The following PROM2 variants were observed in gnomAD, a reference collection of about 807,000 sequenced individuals.
PROM2 encodes the protein prominin 2.
PROM2 carries 90 observed loss-of-function variants against 110.2 expected under a neutral mutation model. That is an observed-to-expected ratio of 0.82 (90% CI 0.69 to 0.97). PROM2 has a LOEUF of 0.97. Ranked by LOEUF, PROM2 falls within the 50% of genes least tolerant of loss-of-function variation. PROM2 has a pLI of 0.00. For synonymous variants in PROM2, 470 were observed against 467.8 expected, an observed-to-expected ratio of 1.00 and a Z score of -0.06; for missense variants, 1,009 against 1,074.8, an observed-to-expected ratio of 0.94 and a Z score of 0.86.
chr2:95,289,024 CG>C lies in PROM2; in HGVS notation c.*10+19del. On this transcript the variant is annotated intron_variant, in intron 23 of 23. Transcript: ENST00000317620. Reference sequence around the variant, plus strand: ...CCTTGTGGGTGAGTTTTCCCCAACTCGCTTAATTGCTCCCTGCCAGGGATTA... The same window carrying C: ...CCTTGTGGGTGAGTTTTCCCCAACTCCTTAATTGCTCCCTGCCAGGGATTA... 1 of 1,575,714 alleles carries C rather than the reference CG, an allele frequency of 6.3e-7. No individual in the cohort carries two copies. Among genetic ancestry groups the C allele is most frequent in the African/African-American group, 1.3e-5 (1 of 74,110 alleles).
chr2:95,276,226 G>A lies in PROM2; in HGVS notation c.498-1G>A. The A allele has an allele frequency of 6.2e-7, 1 of 1,613,966 alleles. No individual in the cohort carries two copies. The highest frequency in any genetic ancestry group is 8.5e-7 in the Non-Finnish European group (1 of 1,180,030). On this transcript the variant is annotated splice_acceptor_variant, in intron 3 of 23. Transcript: ENST00000317620. LOFTEE classifies it high-confidence loss of function. The surrounding 1 kb of genome is among the most constrained non-coding windows in gnomAD (Gnocchi z 4.6). ...CCTTCCTCCTCCCTCCATTCCCACA[G>A]GATTGGTGTGGTCTGTGCCTTTGTC...
rs113477824 is a variant in PROM2 at position 95,274,880 on chromosome 2, G to A, written c.244+51G>A. ...GCCTCAGCATTTGGGTCCCCAGCCC[G>A]GCTTCCTCTGTCCCACTCTACCATG... On this transcript the variant is annotated intron_variant, in intron 1 of 23. Transcript: ENST00000317620. The A allele has an allele frequency of 4.9e-5, 73 of 1,492,454 alleles. No homozygotes were observed. In the African/African-American group the frequency reaches 9.3e-4, roughly 19 times the overall value. 92.5% of individuals were successfully genotyped at this position (1,492,454 alleles called of 1,614,324 possible). A position where few individuals can be genotyped will look rare whatever the true frequency, so the allele number is the denominator to read the frequency against.
At chr2:95,283,473 G>A (rs1677163869) in intron 14 of PROM2, among the ~76,000 whole-genome samples, 1 of 152,238 alleles carries the variant, frequency 6.6e-6, no homozygotes, top group Non-Finnish European at 1.5e-5. Context: ...CACGGGGAGG[G>A]CACCAGCCAC....
intron 17 of PROM2, 73 bp from the exon 18 acceptor site, chr2:95,286,731 C>G: frequency 2.7e-6 from 3 of 1,115,046 alleles, no homozygotes; most frequent in Non-Finnish European, 4.0e-6. Context: ...CTCCACTCCC[C>G]TCCACTTTCC....
intron 23 of PROM2, 28 bp downstream of exon 23, chr2:95,289,034 C>T: frequency 6.4e-7 from 1 of 1,563,060 alleles, no homozygotes; most frequent in Non-Finnish European, 8.8e-7. Flanking sequence ...CGCTTAATTG[C>T]TCCCTGCCAG....
chr2:95,284,824 C>A, intron 14 of PROM2, 145 bp from the exon 15 acceptor site: 1 of 957,560 alleles, frequency 1.0e-6, no homozygotes. Flanking sequence ...TCACCCCCAA[C>A]ACCGGGGATC....
intron 14 of PROM2, among the ~76,000 whole-genome samples, chr2:95,283,255 C>T (rs1255554657): frequency 2.0e-5 from 3 of 152,194 alleles, no homozygotes; most frequent in Non-Finnish European, 4.4e-5. Context: ...CCATGGCTCT[C>T]GAGGGGAGGA....
Position 95,277,013 on chromosome 2 carries a change from A to C in PROM2, c.724A>C (p.Arg242=). 2 of 1,553,306 alleles carry C rather than the reference A, an allele frequency of 1.3e-6. No individual in the cohort carries two copies. Among genetic ancestry groups the C allele is most frequent in the Admixed American group, 2.0e-5 (1 of 51,160 alleles). ...SIGSAIHTQL[R]SSVYPLLAAV... Reference sequence around the variant, plus strand: ...TGGGAGCGCGATCCACACTCAGCTCAGGAGCTCCGTGTACCCCTTGCTGGC... The same window carrying C: ...TGGGAGCGCGATCCACACTCAGCTCCGGAGCTCCGTGTACCCCTTGCTGGC... The change falls in exon 6 of 24, where the codon AGG becomes CGG. Residue 242 remains arginine (R), a synonymous_variant. Coordinates refer to ENST00000317620, the MANE Select transcript of PROM2 (RefSeq NM_001165978.3).
In PROM2 at chr2:95,282,025, A is replaced by G. The variant is rs2104116630; in HGVS notation, c.1643+9A>G. On this transcript the variant is annotated intron_variant, in intron 13 of 23. Coordinates refer to ENST00000317620, the MANE Select transcript of PROM2 (RefSeq NM_001165978.3). ...ATCCACCAAGCCTATCAGTGAGTGG[A>G]CAGCCTGGGCAGAGCTGGGACCGGG... 2 of 1,613,916 alleles carry G rather than the reference A, an allele frequency of 1.2e-6. No individual in the cohort carries two copies. Among genetic ancestry groups the G allele is most frequent in the South Asian group, 2.2e-5 (2 of 91,064 alleles).
rs531442562 is a variant in PROM2 at position 95,276,809 on chromosome 2, C to T, written c.682+152C>T. On this transcript the variant is annotated intron_variant, in intron 5 of 23. Transcript: ENST00000317620. The surrounding 1 kb of genome is among the most constrained non-coding windows in gnomAD (Gnocchi z 4.6). ...AGGCCGGCTGGAGAGCAAGAGTGGC[C>T]GCCACTCAGCTGCTGGAGGAAGAAG... 21 of 1,104,808 alleles carry T rather than the reference C, an allele frequency of 1.9e-5. No homozygotes were observed. Among genetic ancestry groups the T allele is most frequent in the East Asian group, 1.0e-4 (4 of 38,690 alleles). 68.4% of individuals were successfully genotyped at this position (1,104,808 alleles called of 1,614,324 possible). A position where few individuals can be genotyped will look rare whatever the true frequency, so the allele number is the denominator to read the frequency against.
In PROM2 at chr2:95,276,089, G is replaced by C; in HGVS notation, c.454G>C (p.Ala152Pro). Residue 152 changes from alanine (A) to proline (P), a missense_variant, in exon 3 of 24, where the codon GCG (alanine) becomes CCG (proline). By Grantham distance (27) the Ala-to-Pro change is conservative. Transcript: ENST00000317620. The surrounding 1 kb of genome is among the most constrained non-coding windows in gnomAD (Gnocchi z 4.6). ...TEHKALACER[A>P]ALMVFLLLTT... ...GCACAAGGCGCTGGCCTGTGAGCGCGCGGCCCTCATGGTCTTCCTGCTGCT... is the reference window on the plus strand; with the variant it reads ...GCACAAGGCGCTGGCCTGTGAGCGCCCGGCCCTCATGGTCTTCCTGCTGCT... 1.2e-6 allele frequency: 2 copies of C among 1,611,284 alleles called. No homozygotes were observed. Among genetic ancestry groups the C allele is most frequent in the Non-Finnish European group, 1.7e-6 (2 of 1,179,828 alleles).
chr2:95,275,897 C>T lies in PROM2; in HGVS notation c.295-33C>T, dbSNP rs566953191. The T allele has an allele frequency of 4.2e-5, 66 of 1,586,148 alleles. No individual in the cohort carries two copies. The highest frequency in any genetic ancestry group is 6.7e-5 in the African/African-American group (5 of 74,662). On this transcript the variant is annotated intron_variant, in intron 2 of 23. Transcript: ENST00000317620. This position sits in a 1 kb window ranked among gnomAD's most constrained non-coding sequence, Gnocchi z 4.4. Reference sequence around the variant, plus strand: ...GAAGCCAGGGCTGGGCAGTGGGGGTCGGGTCACCCCTCATGCCCTGCTGCC... The same window carrying T: ...GAAGCCAGGGCTGGGCAGTGGGGGTTGGGTCACCCCTCATGCCCTGCTGCC...
Position 95,281,995 on chromosome 2 carries a change from T to TC in PROM2, c.1623dup (p.Ser542GlnfsTer187). 1.2e-6 allele frequency: 2 copies of TC among 1,613,906 alleles called. No individual in the cohort carries two copies. The highest frequency in any genetic ancestry group is 8.5e-7 in the Non-Finnish European group (1 of 1,179,930). ...CAACTTCTTGGCCTGAGGAAGAACA[T>TC]CAGCATCCACCAAGCCTATCAGTGA... On this transcript the variant is annotated frameshift_variant, in exon 13 of 24. Transcript: ENST00000317620. LOFTEE classifies it high-confidence loss of function.
At chr2:95,283,651 A>G (rs150034214) in intron 14 of PROM2, among the ~76,000 whole-genome samples, 1 of 152,334 alleles carries the variant, frequency 6.6e-6, no homozygotes, top group East Asian at 1.9e-4. Context: ...AACCTCGGCA[A>G]GTGGACGCTC....
chr2:95,287,343 G>A (rs1171841542), intron 19 of PROM2, 53 bp from the exon 20 acceptor site: 1 of 1,600,638 alleles, frequency 6.2e-7, no homozygotes, highest in African/African-American at 1.3e-5. Flanking sequence ...GTGGGTGGGG[G>A]GCACTGCTGC....
intron 14 of PROM2, 41 bp downstream of exon 14, chr2:95,282,267 A>G: frequency 6.6e-7 from 1 of 1,509,962 alleles, no homozygotes; most frequent in Non-Finnish European, 9.1e-7. Context: ...CCCTCCTCAG[A>G]TCCCCCTCCT....
chr2:95,277,187 T>C (rs1676720974), intron 6 of PROM2, 126 bp downstream of exon 6: 1 of 1,113,964 alleles, frequency 9.0e-7, no homozygotes, highest in Admixed American at 2.4e-5. Context: ...CCCATCGCTG[T>C]ACCCCAGGAT....
rs553482710 is a variant in PROM2 at position 95,289,174 on chromosome 2, C to A, written c.*11-50C>A. 6 of 619,148 alleles carry A rather than the reference C, an allele frequency of 9.7e-6. No individual in the cohort carries two copies. In the South Asian group the frequency reaches 1.2e-4, roughly 12 times the overall value. The allele number at this position is 619,148 out of a possible 1,614,324, so 38.4% of individuals were successfully genotyped here. On this transcript the variant is annotated intron_variant, in intron 23 of 23. Coordinates refer to ENST00000317620, the MANE Select transcript of PROM2 (RefSeq NM_001165978.3). Reference sequence around the variant, plus strand: ...CCATCCAGCAGTGGGGCTGACAGCCCTGTTCTCCCCTCCCTCCCCTTCACC... The same window carrying A: ...CCATCCAGCAGTGGGGCTGACAGCCATGTTCTCCCCTCCCTCCCCTTCACC...
At position 95,277,414 on chromosome 2, in the gene PROM2, G is replaced by C. The variant is rs139022633; in HGVS notation, c.823G>C (p.Glu275Gln). Reference protein sequence around the residue: ...HLQTLNATVVELQAGQQDLEP... With the variant: ...HLQTLNATVVQLQAGQQDLEP... ...GCAAACCTTGAATGCTACAGTGGTA[G>C]AGCTGCAGGCCGGGCAGCAGGACCT... is the stretch of plus-strand genomic sequence containing the variant. Residue 275 changes from glutamate (E) to glutamine (Q), a missense_variant, in exon 7 of 24, where the codon GAG becomes CAG. Physicochemically the swap from Glu to Gln is conservative, Grantham distance 29 (BLOSUM62 2). Transcript: ENST00000317620. 3 of 1,613,442 alleles carry C rather than the reference G, an allele frequency of 1.9e-6. No homozygotes were observed. The East Asian group carries it at 6.7e-5, about 36-fold the overall frequency.
Sources: allele counts gnomAD v4.1 joint callset (sites outside exome capture counted in the v4.1 genomes callset), GRCh38; gene constraint gnomAD v4.1.1; non-coding constraint Gnocchi (gnomAD v3.1); transcripts MANE v1.5; gene names NCBI Gene and HGNC (gene_info 2026-07-23, HGNC 2026-07-21).